The following ARHGAP10 variants were observed in gnomAD, a reference collection of about 807,000 sequenced individuals.
ARHGAP10 encodes rho GTPase-activating protein 10.
In ARHGAP10, 87 loss-of-function variants were observed where a neutral mutation model predicts 108.6. The observed-to-expected ratio is 0.80, with a 90% CI of 0.67 to 0.96. The LOEUF is 0.96. ARHGAP10 is among the 40% of genes least tolerant of loss of function. The pLI is 0.00. For synonymous variants in ARHGAP10, 347 were observed against 341.1 expected (o/e 1.02, Z -0.19); for missense variants, 939 against 954.5 (o/e 0.98, Z 0.21).
intron 7 of ARHGAP10, among the ~76,000 whole-genome samples, chr4:147,869,841 G>A (rs1394859155): frequency 6.6e-6 from 1 of 151,870 alleles, no homozygotes; most frequent in East Asian, 1.9e-4. Flanking sequence ...CTTATGAAAA[G>A]CAGGTCACTC....
intron 1 of ARHGAP10, among the ~76,000 whole-genome samples, chr4:147,795,376 A>C (rs79562055): frequency 6.6e-6 from 1 of 151,966 alleles, no homozygotes; most frequent in Non-Finnish European, 1.5e-5. Flanking sequence ...TTTTCCTACA[A>C]AACTTCCTGT....
intron 1 of ARHGAP10, among the ~76,000 whole-genome samples, chr4:147,782,326 A>G (rs1730568223): frequency 6.6e-6 from 1 of 152,150 alleles, no homozygotes; most frequent in African/African-American, 2.4e-5. Context: ...GAAGTTGTGT[A>G]GTGTCATGGA....
intron 1 of ARHGAP10, among the ~76,000 whole-genome samples, chr4:147,752,965 T>A (rs2126694679): frequency 6.6e-6 from 1 of 152,366 alleles, no homozygotes; most frequent in South Asian, 2.1e-4. Flanking sequence ...TTGGTGATGG[T>A]ATTCTCAATG....
intron 1 of ARHGAP10, among the ~76,000 whole-genome samples, chr4:147,763,227 G>T (rs987484547): frequency 4.0e-5 from 6 of 151,806 alleles, no homozygotes; most frequent in Non-Finnish European, 4.4e-5. Flanking sequence ...TGTAAGTTTA[G>T]CTATTGTTAA....
intron 1 of ARHGAP10, among the ~76,000 whole-genome samples, chr4:147,765,335 T>TGG (rs1463328322): frequency 9.7e-4 from 22 of 22,732 alleles, no homozygotes; most frequent in African/African-American, 1.8e-3. Flanking sequence ...TGTGTGTGTG[T>TGG]GTGGGGGGGG....
chr4:147,773,410 A>G (rs1270391088), intron 1 of ARHGAP10, among the ~76,000 whole-genome samples: 1 of 152,110 alleles, frequency 6.6e-6, no homozygotes, highest in African/African-American at 2.4e-5. Context: ...CATCCCTTGG[A>G]ATGTTACCCT....
At chr4:148,024,590 T>A (rs902164959) in intron 19 of ARHGAP10, among the ~76,000 whole-genome samples, 1 of 152,242 alleles carries the variant, frequency 6.6e-6, no homozygotes, top group African/African-American at 2.4e-5. Flanking sequence ...GCTTAAGACG[T>A]AGGTACATAT....
At chr4:147,747,114 T>C (rs1168138919) in intron 1 of ARHGAP10, among the ~76,000 whole-genome samples, 4 of 152,096 alleles carry the variant, frequency 2.6e-5, no homozygotes, top group Non-Finnish European at 4.4e-5. Flanking sequence ...TATTTCACAC[T>C]TTGTTCTGTT....
chr4:147,933,831 A>AGAGGCTG (rs1737803591), intron 13 of ARHGAP10, among the ~76,000 whole-genome samples: 1 of 152,174 alleles, frequency 6.6e-6, no homozygotes, highest in South Asian at 2.1e-4. Flanking sequence ...GCTGTGGGGC[A>AGAGGCTG]GAGGCTGGAG....
intron 18 of ARHGAP10, among the ~76,000 whole-genome samples, chr4:148,016,731 C>T (rs544584974): frequency 1.3e-5 from 2 of 152,140 alleles, no homozygotes; most frequent in South Asian, 2.1e-4. Context: ...GGGCTTAGTC[C>T]CCAAGACTGC....
intron 1 of ARHGAP10, among the ~76,000 whole-genome samples, chr4:147,755,518 C>T (rs536300445): frequency 2.4e-4 from 37 of 151,940 alleles, no homozygotes; most frequent in African/African-American, 6.8e-4. Flanking sequence ...AGTGAAACTC[C>T]GTCTCAAAAA....
chr4:147,777,577 T>C (rs1730350879), intron 1 of ARHGAP10, among the ~76,000 whole-genome samples: 1 of 152,104 alleles, frequency 6.6e-6, no homozygotes, highest in South Asian at 2.1e-4. Context: ...ATTTCCAAAG[T>C]TGACCTCACG....
rs371189441 is a variant in ARHGAP10, at chr4:147,866,701, C to A, written c.598-11C>A. The A allele has an allele frequency of 6.3e-7, 1 of 1,594,178 alleles. No homozygotes were observed. Among genetic ancestry groups the A allele is most frequent in the African/African-American group, 1.3e-5 (1 of 74,110 alleles). ...TTTTGTGCTAATATCTCTTTTCTTC[C>A]TGTGTCTTAGATGCTGTCATTTTTT... On this transcript the variant is annotated splice_polypyrimidine_tract_variant and intron_variant, in intron 6 of 22. Transcript: ENST00000336498.
At chr4:147,897,643 C>G (rs1273781398) in intron 10 of ARHGAP10, among the ~76,000 whole-genome samples, 12 of 152,176 alleles carry the variant, frequency 7.9e-5, no homozygotes, top group Non-Finnish European at 4.4e-5. Context: ...TTCCAATCAT[C>G]CTTTCGCTCT....
intron 18 of ARHGAP10, among the ~76,000 whole-genome samples, chr4:148,011,645 A>C (rs773044852): frequency 2.2e-4 from 34 of 152,364 alleles, no homozygotes; most frequent in Non-Finnish European, 4.6e-4. Flanking sequence ...GATTTGGGAA[A>C]TCTGGGGCAG....
chr4:148,009,383 T>G (rs1741086352), intron 18 of ARHGAP10, among the ~76,000 whole-genome samples: 1 of 152,176 alleles, frequency 6.6e-6, no homozygotes, highest in South Asian at 2.1e-4. Flanking sequence ...CTGCCCACCT[T>G]GGCTTCCCAA....
intron 3 of ARHGAP10, among the ~76,000 whole-genome samples, chr4:147,826,011 A>G (rs2126790416): frequency 6.6e-6 from 1 of 152,332 alleles, no homozygotes; most frequent in Non-Finnish European, 1.5e-5. Flanking sequence ...AAAACAATAC[A>G]GGGCAAGGAG....
intron 20 of ARHGAP10, among the ~76,000 whole-genome samples, chr4:148,062,921 GAGA>G (rs1414696996): frequency 6.6e-6 from 1 of 152,094 alleles, no homozygotes; most frequent in Non-Finnish European, 1.5e-5. Context: ...GGAGAACCTG[GAGA>G]AGGACAGTAA....
chr4:148,037,991 A>C (rs1483330505), intron 19 of ARHGAP10, among the ~76,000 whole-genome samples: 1 of 152,134 alleles, frequency 6.6e-6, no homozygotes, highest in African/African-American at 2.4e-5. Flanking sequence ...CTCTGGATTC[A>C]TTGTTAAGAA....
Sources: gnomAD v4.1 joint callset for allele counts (sites outside exome capture counted in the v4.1 genomes callset) on GRCh38, gnomAD v4.1.1 for gene constraint, MANE v1.5 for transcripts, NCBI Gene and HGNC (gene_info 2026-07-23, HGNC 2026-07-21) for gene names.